ZNF143: variants seen among roughly 807,000 people sequenced by gnomAD.
ZNF143 encodes SPH-binding factor.
ZNF143 carries 49 observed loss-of-function variants against 74.1 expected under a neutral mutation model. That is an observed-to-expected ratio of 0.66 (90% confidence interval 0.53 to 0.84). The LOEUF is 0.84. ZNF143 is among the 40% of genes least tolerant of loss of function. ZNF143 has a pLI of 0.00. For missense variants in ZNF143, 637 were observed against 793.4 expected, an observed-to-expected ratio of 0.80 and a Z score of 2.37; for synonymous variants, 304 against 282.8, an observed-to-expected ratio of 1.07 and a Z score of -0.75.
At chr11:9,490,270 C>G (rs1399068799) in intron 7 of ZNF143, among the ~76,000 whole-genome samples, 8 of 142,108 alleles carry the variant, frequency 5.6e-5, no homozygotes, top group Admixed American at 2.2e-4. Context: ...TTATAACACA[C>G]TTAAGCTTTT....
rs140619941 is a variant in ZNF143 at position 9,480,512 on chromosome 11, G to T, written c.645+966G>T. Among the ~76,000 whole-genome samples the T allele has an allele frequency of 1.4e-3, 217 of 152,232 alleles. 2 individuals carry two copies. Among genetic ancestry groups the T allele is most frequent in the African/African-American group, 5.1e-3 (213 of 41,536 alleles). ...CCACTTAGTGACATTGAGTGATACT[G>T]TTAGGGGTTATCAAGAAGATTTTAC... is the stretch of plus-strand genomic sequence containing the variant. On this transcript the variant is annotated intron_variant, in intron 7 of 15. Transcript: ENST00000396602.
chr11:9,486,377 T>TATATTA (rs1491241348), intron 7 of ZNF143, among the ~76,000 whole-genome samples: 3 of 37,146 alleles, frequency 8.1e-5, no homozygotes, highest in Admixed American at 4.8e-4. Flanking sequence ...ATATAATATA[T>TATATTA]TATATATATA....
chr11:9,465,666 A>ATTT (rs147781124), intron 1 of ZNF143, among the ~76,000 whole-genome samples: 2,315 of 129,366 alleles, frequency 0.018, 50 homozygotes, highest in African/African-American at 0.061. Context: ...CGCCTGGCTA[A>ATTT]TTTTTTTTTT....
rs1233518041 is a variant in ZNF143 at position 9,494,901 on chromosome 11, C to CA, written c.765+137dup. 9 of 912,388 alleles carry CA rather than the reference C, an allele frequency of 9.9e-6. No individual in the cohort carries two copies. The African/African-American group carries it at 1.5e-4, about 15-fold the overall frequency. 56.5% of individuals were successfully genotyped at this position (912,388 alleles called of 1,614,324 possible). A position where few individuals can be genotyped will look rare whatever the true frequency, so the allele number is the denominator to read the frequency against. ...ATACTGGCACTTGGTCACACTCATA[C>CA]ACAGACATGTAAAAACCTATGCGGA... On this transcript the variant is annotated intron_variant, in intron 8 of 15. Transcript: ENST00000396602.
intron 14 of ZNF143, among the ~76,000 whole-genome samples, chr11:9,516,802 G>A (rs1413858422): frequency 1.3e-5 from 2 of 152,196 alleles, no homozygotes; most frequent in South Asian, 4.1e-4. Context: ...ACTTGTTCTT[G>A]CCTCCACAGA....
chr11:9,474,134 C>T, intron 4 of ZNF143, 110 bp downstream of exon 4: 3 of 855,398 alleles, frequency 3.5e-6, no homozygotes, highest in Non-Finnish European at 5.9e-6. Flanking sequence ...CTCAAGTCCT[C>T]CTTCTGTAAA....
intron 11 of ZNF143, among the ~76,000 whole-genome samples, chr11:9,503,276 A>C (rs536854458): frequency 6.6e-6 from 1 of 152,238 alleles, no homozygotes; most frequent in Non-Finnish European, 1.5e-5. Flanking sequence ...AAGAATAATA[A>C]TAGATTACAT....
intron 13 of ZNF143, 133 bp downstream of exon 13, chr11:9,512,729 A>G: frequency 2.9e-6 from 3 of 1,036,966 alleles, no homozygotes; most frequent in South Asian, 1.5e-5. Flanking sequence ...GTTTTTCAGT[A>G]GTCTGCTTAC....
chr11:9,486,443 T>TATA (rs1565039504), intron 7 of ZNF143, among the ~76,000 whole-genome samples: 1 of 45,480 alleles, frequency 2.2e-5, no homozygotes, highest in Non-Finnish European at 4.7e-5. Context: ...ATATATAATA[T>TATA]ATTATATATA....
intron 13 of ZNF143, among the ~76,000 whole-genome samples, chr11:9,513,578 C>G (rs1351186329): frequency 2.0e-5 from 3 of 148,436 alleles, no homozygotes; most frequent in East Asian, 3.9e-4. Context: ...TGAGAAACCC[C>G]CAGTGATTAG....
chr11:9,500,515 C>T (rs1341653680), intron 10 of ZNF143, among the ~76,000 whole-genome samples: 5 of 151,820 alleles, frequency 3.3e-5, no homozygotes, highest in Admixed American at 3.3e-4. Flanking sequence ...CTCACTGCAA[C>T]CTCCGCCTCT....
intron 7 of ZNF143, among the ~76,000 whole-genome samples, chr11:9,482,933 C>A: frequency 6.6e-6 from 1 of 151,050 alleles, no homozygotes; most frequent in Middle Eastern, 3.4e-3. Flanking sequence ...ATTAATTTCA[C>A]CTGTTTCTTT....
rs1267377085 is a variant in ZNF143 at position 9,525,297 on chromosome 11, C to T, written c.1744C>T (p.His582Tyr). 1 of 1,614,192 alleles carries T rather than the reference C, an allele frequency of 6.2e-7. No homozygotes were observed. The highest frequency in any genetic ancestry group is 8.5e-7 in the Non-Finnish European group (1 of 1,180,038). ...AFHTASSEMG[H>Y]QQHSHHLVTT... ...CCATACTGCCTCATCAGAAATGGGG[C>T]ACCAGCAGCATAGCCATCACTTAGT... is the stretch of plus-strand genomic sequence containing the variant. The change falls in exon 15 of 16, where the codon CAC (histidine) becomes TAC (tyrosine). Residue 582 changes from histidine to tyrosine, a missense_variant. By Grantham distance (83) the His-to-Tyr change is moderately conservative. Transcript: ENST00000396602.
Position 9,527,698 on chromosome 11 carries a change from TAGA to T in ZNF143, c.*88_*90del. The T allele has an allele frequency of 8.3e-6, 11 of 1,323,548 alleles. No individual in the cohort carries two copies. The highest frequency in any genetic ancestry group is 1.2e-5 in the Non-Finnish European group (11 of 933,986). The allele number at this position is 1,323,548 out of a possible 1,614,324, so 82.0% of individuals were successfully genotyped here. On this transcript the variant is annotated 3_prime_UTR_variant, in exon 16 of 16. Transcript: ENST00000396602. ...CCATGAAGCCCGGGCCCAGGAAAAT[TAGA>T]AGTTTTCCATTCCTGATACACTGTA... is the stretch of plus-strand genomic sequence containing the variant.
intron 7 of ZNF143, among the ~76,000 whole-genome samples, chr11:9,487,653 G>A (rs1337889665): frequency 5.3e-5 from 8 of 152,116 alleles, no homozygotes; most frequent in South Asian, 2.1e-4. Flanking sequence ...CACCACGCCC[G>A]GCCAAGGTTA....
chr11:9,509,656 GA>G (rs1298817401), intron 12 of ZNF143, among the ~76,000 whole-genome samples: 3 of 152,142 alleles, frequency 2.0e-5, no homozygotes, highest in Non-Finnish European at 2.9e-5. Flanking sequence ...CATTTAGGTG[GA>G]AAAGGTTTGT....
chr11:9,514,616 A>G (rs183200356), intron 13 of ZNF143, among the ~76,000 whole-genome samples: 15 of 152,370 alleles, frequency 9.8e-5, no homozygotes, highest in African/African-American at 3.6e-4. Flanking sequence ...GCAGATCCTA[A>G]TAAGAGAATG....
At position 9,479,375 on chromosome 11, in the gene ZNF143, C is replaced by CT. The variant is rs567524850; in HGVS notation, c.571-88dup. ...GCCCCATGTACTTTTTTTTCTTTTT[C>CT]TTTTTTTTTGCAAGCTTCTCCCTGA... On this transcript the variant is annotated intron_variant, in intron 6 of 15. Coordinates refer to ENST00000396602, the MANE Select transcript of ZNF143 (RefSeq NM_003442.6). The CT allele has an allele frequency of 1.4e-3, 1,295 of 898,154 alleles. 1 individual carries two copies. The highest frequency in any genetic ancestry group is 2.5e-3 in the African/African-American group (138 of 56,206). The allele number at this position is 898,154 out of a possible 1,614,324, so 55.6% of individuals were successfully genotyped here.
intron 13 of ZNF143, among the ~76,000 whole-genome samples, chr11:9,514,280 A>C (rs1382023340): frequency 6.6e-6 from 1 of 152,216 alleles, no homozygotes; most frequent in African/African-American, 2.4e-5. Context: ...ATCCTTCTTC[A>C]TATATTCCAA....
Sources: allele counts gnomAD v4.1 joint callset (sites outside exome capture counted in the v4.1 genomes callset), GRCh38; gene constraint gnomAD v4.1.1; transcripts MANE v1.5; gene names NCBI Gene and HGNC (gene_info 2026-07-23, HGNC 2026-07-21).